Variants in CXCL13 observed in about 807,000 individuals in gnomAD.
CXCL13 encodes the protein C-X-C motif chemokine 13.
A neutral mutation model predicts 12.2 loss-of-function variants in CXCL13; 7 were observed. The observed-to-expected ratio is 0.57, with a 90% CI of 0.33 to 1.07. The LOEUF (loss-of-function observed/expected upper bound fraction) is 1.07, where lower values mean the gene tolerates loss of function less well. Among genes scored for constraint, CXCL13 ranks in the 50% least tolerant of loss-of-function variants. CXCL13 has a pLI of 0.04. For missense variants in CXCL13, 113 were observed against 127.4 expected (o/e 0.89, Z 0.55); for synonymous variants, 47 against 42.4 (o/e 1.11, Z -0.42).
At chr4:77,571,348 C>G (rs941691701) in intron 1 of CXCL13, among the ~76,000 whole-genome samples, 21 of 149,330 alleles carry the variant, frequency 1.4e-4, no homozygotes, top group African/African-American at 4.2e-4. Flanking sequence ...GTGCACCAAT[C>G]GACACTCTGT....
At chr4:77,575,086 G>A (rs192809031) in intron 1 of CXCL13, among the ~76,000 whole-genome samples, 3 of 151,778 alleles carry the variant, frequency 2.0e-5, no homozygotes, top group East Asian at 3.8e-4. Flanking sequence ...AAATTCAAAA[G>A]GTTATTGTAT....
chr4:77,515,191 G>T (rs1356957513), intron 1 of CXCL13, among the ~76,000 whole-genome samples: 2 of 152,206 alleles, frequency 1.3e-5, no homozygotes, highest in Non-Finnish European at 2.9e-5. Context: ...CCAGTGCCAT[G>T]CTGTTTTGGT....
At chr4:77,566,120 C>T (rs1001758112) in intron 1 of CXCL13, among the ~76,000 whole-genome samples, 2 of 152,206 alleles carry the variant, frequency 1.3e-5, no homozygotes, top group Non-Finnish European at 2.9e-5. Context: ...GATGAAGGCA[C>T]ACCTTCCTAT....
chr4:77,559,479 A>T (rs1725748316), intron 1 of CXCL13, among the ~76,000 whole-genome samples: 1 of 152,046 alleles, frequency 6.6e-6, no homozygotes, highest in Non-Finnish European at 1.5e-5. Context: ...ACCTGGAGGC[A>T]CTCCCAGTAG....
At chr4:77,517,502 G>C (rs949822366) in intron 1 of CXCL13, among the ~76,000 whole-genome samples, 5 of 152,192 alleles carry the variant, frequency 3.3e-5, no homozygotes, top group African/African-American at 1.2e-4. Context: ...TGTATTGGGT[G>C]CATATATATT....
intron 1 of CXCL13, among the ~76,000 whole-genome samples, chr4:77,581,462 C>T (rs1009866685): frequency 6.6e-6 from 1 of 152,108 alleles, no homozygotes; most frequent in African/African-American, 2.4e-5. Flanking sequence ...GTATCAATGG[C>T]TCTATATTCC....
intron 1 of CXCL13, among the ~76,000 whole-genome samples, chr4:77,526,512 G>A (rs1017176426): frequency 6.6e-6 from 1 of 151,746 alleles, no homozygotes; most frequent in Non-Finnish European, 1.5e-5. Flanking sequence ...CACACTCAAA[G>A]GGGGAAAAGT....
intron 1 of CXCL13, among the ~76,000 whole-genome samples, chr4:77,518,824 A>G (rs1348413749): frequency 2.6e-5 from 4 of 152,046 alleles, no homozygotes; most frequent in African/African-American, 9.7e-5. Flanking sequence ...GCTTTGTTCC[A>G]TTGCTGGTGA....
chr4:77,591,148 T>C (rs1726598619), intron 1 of CXCL13, among the ~76,000 whole-genome samples: 2 of 152,340 alleles, frequency 1.3e-5, no homozygotes, highest in South Asian at 4.1e-4. Context: ...ATTTATTACA[T>C]ATACTGTACT....
At chr4:77,547,943 C>G (rs556716002) in intron 1 of CXCL13, among the ~76,000 whole-genome samples, 1 of 152,026 alleles carries the variant, frequency 6.6e-6, no homozygotes, top group Non-Finnish European at 1.5e-5. Flanking sequence ...GACAAAATTT[C>G]TCAGCATTTG....
chr4:77,534,836 A>T (rs182109867), intron 1 of CXCL13, among the ~76,000 whole-genome samples: 5 of 152,196 alleles, frequency 3.3e-5, no homozygotes, highest in Non-Finnish European at 7.3e-5. Flanking sequence ...CTACAATTCC[A>T]TGACCTTACT....
intron 1 of CXCL13, among the ~76,000 whole-genome samples, chr4:77,580,422 GTTCAAGCAA>G (rs2109823967): frequency 7.2e-6 from 1 of 138,934 alleles, no homozygotes; most frequent in South Asian, 2.4e-4. Flanking sequence ...TGCCTCCCGG[GTTCAAGCAA>G]TTCTTCTGCC....
intron 1 of CXCL13, among the ~76,000 whole-genome samples, chr4:77,531,850 C>T (rs1029047122): frequency 3.9e-5 from 6 of 152,082 alleles, no homozygotes; most frequent in African/African-American, 1.4e-4. Flanking sequence ...TCTGTTTTAC[C>T]AGAGACTAGG....
At chr4:77,518,973 G>A (rs1161390671) in intron 1 of CXCL13, among the ~76,000 whole-genome samples, 2 of 152,170 alleles carry the variant, frequency 1.3e-5, no homozygotes, top group African/African-American at 4.8e-5. Flanking sequence ...GGTTTTTGGT[G>A]TGGATGTCCT....
chr4:77,578,865 A>G (rs1726252174), intron 1 of CXCL13, among the ~76,000 whole-genome samples: 1 of 152,248 alleles, frequency 6.6e-6, no homozygotes, highest in Admixed American at 6.5e-5. Flanking sequence ...AGAATCATGT[A>G]GAATAAAGCT....
chr4:77,526,427 T>G (rs956016382), intron 1 of CXCL13, among the ~76,000 whole-genome samples: 1 of 152,224 alleles, frequency 6.6e-6, no homozygotes, highest in East Asian at 1.9e-4. Context: ...TAAAATATGA[T>G]GTATGTCTTA....
At chr4:77,591,547 T>A in intron 1 of CXCL13, among the ~76,000 whole-genome samples, 1 of 98,438 alleles carries the variant, frequency 1.0e-5, no homozygotes. Context: ...CAAGACTCCA[T>A]CTCAAAAAAA....
intron 1 of CXCL13, among the ~76,000 whole-genome samples, chr4:77,562,132 T>C (rs1725829580): frequency 6.6e-6 from 1 of 151,106 alleles, no homozygotes; most frequent in African/African-American, 2.4e-5. Context: ...CCTGCAGCCC[T>C]CCCGGCACAA....
At chr4:77,557,881 G>T (rs1725696808) in intron 1 of CXCL13, among the ~76,000 whole-genome samples, 1 of 152,150 alleles carries the variant, frequency 6.6e-6, no homozygotes, top group African/African-American at 2.4e-5. Flanking sequence ...ACTTCTCTGA[G>T]CCTTTTATTC....
Sources: gnomAD v4.1 joint callset for allele counts (sites outside exome capture counted in the v4.1 genomes callset) on GRCh38, gnomAD v4.1.1 for gene constraint, MANE v1.5 for transcripts, NCBI Gene and HGNC (gene_info 2026-07-23, HGNC 2026-07-21) for gene names.